The following MSI2 variants were observed in gnomAD, a reference collection of about 807,000 sequenced individuals.
The protein encoded by MSI2 is musashi RNA binding protein 2.
Under a neutral mutation model 45.6 loss-of-function variants are expected in MSI2, and 17 were observed. The observed-to-expected ratio is 0.37, with a 90% confidence interval of 0.26 to 0.56. The LOEUF (loss-of-function observed/expected upper bound fraction) is 0.56. Ranked by LOEUF, MSI2 falls within the 20% of genes least tolerant of loss-of-function variation. The pLI is 0.77. For synonymous variants in MSI2, 156 were observed against 158.2 expected (o/e 0.99, Z 0.11); for missense variants, 293 against 444.2 (o/e 0.66, Z 3.06).
chr17:57,309,397 C>G (rs988095030), intron 5 of MSI2, among the ~76,000 whole-genome samples: 2 of 152,166 alleles, frequency 1.3e-5, no homozygotes, highest in Admixed American at 1.3e-4. Flanking sequence ...GCTCATATTC[C>G]CCCTCTGCCA....
At chr17:57,512,123 G>A (rs925241019) in intron 6 of MSI2, among the ~76,000 whole-genome samples, 36 of 152,184 alleles carry the variant, frequency 2.4e-4, no homozygotes, top group Admixed American at 2.2e-3. Flanking sequence ...CTGTATGTGC[G>A]CTGCATGGGG....
At chr17:57,288,213 A>G (rs1192670931) in intron 5 of MSI2, among the ~76,000 whole-genome samples, 1 of 152,204 alleles carries the variant, frequency 6.6e-6, no homozygotes, top group Non-Finnish European at 1.5e-5. Flanking sequence ...GAACAGACAG[A>G]ACTTTCTGTA....
At chr17:57,643,414 T>C (rs1910403180) in intron 10 of MSI2, among the ~76,000 whole-genome samples, 1 of 152,260 alleles carries the variant, frequency 6.6e-6, no homozygotes, top group South Asian at 2.1e-4. Flanking sequence ...AGGGCCCCGC[T>C]GTGGGCAGGC....
At chr17:57,497,299 CTTT>C (rs985948486) in intron 6 of MSI2, among the ~76,000 whole-genome samples, 14 of 152,310 alleles carry the variant, frequency 9.2e-5, no homozygotes, top group African/African-American at 3.4e-4. Flanking sequence ...TTAAATGTGA[CTTT>C]TTCTGCCAGA....
At chr17:57,625,029 A>G (rs879869801) in intron 9 of MSI2, among the ~76,000 whole-genome samples, 7 of 152,086 alleles carry the variant, frequency 4.6e-5, no homozygotes, top group Non-Finnish European at 5.9e-5. Context: ...GCCCCTTCTA[A>G]CCGTGTCCTC....
chr17:57,304,243 G>C (rs1415725027), intron 5 of MSI2, among the ~76,000 whole-genome samples: 1 of 151,066 alleles, frequency 6.6e-6, no homozygotes, highest in Admixed American at 6.6e-5. Context: ...TGTAGTCCCA[G>C]TTACTTGGGA....
chr17:57,468,969 C>T (rs1414459918), intron 6 of MSI2, among the ~76,000 whole-genome samples: 2 of 152,194 alleles, frequency 1.3e-5, no homozygotes. Flanking sequence ...CCTTGAGTCT[C>T]CTCCAGCTGT....
chr17:57,544,231 T>C (rs893724793), intron 7 of MSI2, among the ~76,000 whole-genome samples: 1 of 152,178 alleles, frequency 6.6e-6, no homozygotes, highest in Non-Finnish European at 1.5e-5. Context: ...AGGATCAAAA[T>C]AGGAGAGAAG....
chr17:57,371,087 A>T (rs2083413343), intron 5 of MSI2, among the ~76,000 whole-genome samples: 2 of 152,132 alleles, frequency 1.3e-5, no homozygotes, highest in African/African-American at 4.8e-5. Flanking sequence ...AATTTGCTAA[A>T]TGGGCTTTTA....
chr17:57,656,485 G>A (rs936837956), intron 11 of MSI2, among the ~76,000 whole-genome samples: 2 of 152,276 alleles, frequency 1.3e-5, no homozygotes, highest in African/African-American at 2.4e-5. Flanking sequence ...TCAGGGATAC[G>A]GGTCTATGTG....
intron 8 of MSI2, among the ~76,000 whole-genome samples, chr17:57,613,617 C>G (rs1338143260): frequency 1.3e-5 from 2 of 152,184 alleles, no homozygotes; most frequent in East Asian, 3.8e-4. Flanking sequence ...CCAATTTCCA[C>G]CCCTCCACAC....
chr17:57,692,457 A>G, the MSI2 span, among the ~76,000 whole-genome samples: 15 of 152,316 alleles, frequency 9.8e-5, no homozygotes, highest in Non-Finnish European at 1.8e-4. Context: ...ATTATGTTTT[A>G]GAGGGAATGA....
chr17:57,540,518 G>A (rs2087020738), intron 7 of MSI2, among the ~76,000 whole-genome samples: 1 of 152,198 alleles, frequency 6.6e-6, no homozygotes, highest in South Asian at 2.1e-4. Flanking sequence ...CTCAGAATGT[G>A]ACCTTATTTA....
intron 6 of MSI2, among the ~76,000 whole-genome samples, chr17:57,459,696 G>A (rs1045932461): frequency 6.6e-6 from 1 of 152,130 alleles, no homozygotes; most frequent in African/African-American, 2.4e-5. Context: ...AACATTTAAC[G>A]AAAGTATGGC....
chr17:57,339,516 C>G (rs528955980), intron 5 of MSI2, among the ~76,000 whole-genome samples: 3 of 152,250 alleles, frequency 2.0e-5, no homozygotes, highest in East Asian at 3.9e-4. Flanking sequence ...CCCTGTGGCA[C>G]GGACTTGCCC....
chr17:57,576,014 G>A (rs937389334), intron 7 of MSI2, among the ~76,000 whole-genome samples: 26 of 151,728 alleles, frequency 1.7e-4, no homozygotes, highest in African/African-American at 4.6e-4. Flanking sequence ...CAGCCCTGGC[G>A]TATTTTTCTT....
At chr17:57,486,650 C>A (rs1009578798) in intron 6 of MSI2, among the ~76,000 whole-genome samples, 7 of 152,186 alleles carry the variant, frequency 4.6e-5, no homozygotes, top group African/African-American at 1.7e-4. Context: ...TCTGGGTAGA[C>A]TGCCTTTTAG....
At chr17:57,487,639 G>C (rs2085781559) in intron 6 of MSI2, among the ~76,000 whole-genome samples, 1 of 151,980 alleles carries the variant, frequency 6.6e-6, no homozygotes, top group Non-Finnish European at 1.5e-5. Flanking sequence ...GAGCTCCTTG[G>C]TGAGGCTGAT....
chr17:57,338,027 A>G (rs552402589), intron 5 of MSI2, among the ~76,000 whole-genome samples: 26 of 152,312 alleles, frequency 1.7e-4, no homozygotes, highest in South Asian at 1.7e-3. Flanking sequence ...ATCTCAATGT[A>G]AAATACAGAT....
Sources: gnomAD v4.1 joint callset for allele counts (sites outside exome capture counted in the v4.1 genomes callset) on GRCh38, gnomAD v4.1.1 for gene constraint, MANE v1.5 for transcripts, NCBI Gene and HGNC (gene_info 2026-07-23, HGNC 2026-07-21) for gene names.